The following SVEP1 variants were observed in gnomAD, a reference collection of about 807,000 sequenced individuals.
The protein encoded by SVEP1 is sushi, von Willebrand factor type A, EGF and pentraxin domain-containing protein 1.
In SVEP1, 164 loss-of-function variants were observed where a neutral mutation model predicts 367.3. The observed-to-expected ratio is 0.45, with a 90% CI of 0.39 to 0.51. SVEP1 has a LOEUF of 0.51. Ranked by LOEUF, SVEP1 falls within the 20% of genes least tolerant of loss-of-function variation. SVEP1 has a pLI of 0.00. For synonymous variants in SVEP1, 1,666 were observed against 1,611.6 expected, an observed-to-expected ratio of 1.03 and a Z score of -0.81; for missense variants, 4,117 against 4,425.3, an observed-to-expected ratio of 0.93 and a Z score of 1.98.
At position 110,400,946 on chromosome 9, in the gene SVEP1, G is replaced by T; in HGVS notation, c.9730C>A (p.Pro3244Thr). ...ACAAATCCATGTTCTGGACTTTCAG[G>T]TTTCCCACAAGAAACTGGACTGCAA... The part of the protein sequence containing the change: ...ESCSPVSCGK[P>T]ESPEHGFVVG... Residue 3244 changes from proline to threonine, a missense_variant, in exon 40 of 48, where the codon CCT (proline) becomes ACT (threonine). Pro to Thr is a conservative substitution (Grantham distance 38). Around this residue, in one of 4 missense-constraint regions of SVEP1, gnomAD observed 1,765 missense variants for 1,781.1 expected, o/e 0.99. Transcript: ENST00000374469. The T allele has an allele frequency of 6.2e-7, 1 of 1,613,878 alleles. No individual in the cohort carries two copies. The highest frequency in any genetic ancestry group is 8.5e-7 in the Non-Finnish European group (1 of 1,179,844).
intron 40 of SVEP1, among the ~76,000 whole-genome samples, chr9:110,393,857 AG>A (rs1827710294): frequency 6.6e-6 from 1 of 152,228 alleles, no homozygotes; most frequent in Non-Finnish European, 1.5e-5. Context: ...CAAAGCAGCC[AG>A]GAAGCTTGAA....
intron 1 of SVEP1, among the ~76,000 whole-genome samples, chr9:110,562,712 G>C (rs1238274585): frequency 1.3e-5 from 2 of 151,884 alleles, no homozygotes; most frequent in African/African-American, 4.8e-5. Flanking sequence ...TTTTGAGATG[G>C]AGTTTTGCTC....
chr9:110,457,183 A>AACTATATCTGC, intron 21 of SVEP1, 73 bp downstream of exon 21: 1 of 1,245,186 alleles, frequency 8.0e-7, no homozygotes, highest in Non-Finnish European at 1.1e-6. Flanking sequence ...TTAATGTACT[A>AACTATATCTGC]AAGTTTGATA....
chr9:110,365,410 T>A lies in SVEP1; in HGVS notation c.*1129A>T, dbSNP rs1827183033. ...ACTAGGAGAATCAAGATCTCTTTCA[T>A]CCTTTCTGCATTCCTCCACAGTGCT... On this transcript the variant is annotated 3_prime_UTR_variant, in exon 48 of 48. Transcript: ENST00000374469. 1 of 152,184 alleles carries A rather than the reference T, an allele frequency of 6.6e-6. No individual in the cohort carries two copies. The highest frequency in any genetic ancestry group is 1.5e-5 in the Non-Finnish European group (1 of 68,034). 9.4% of individuals were successfully genotyped at this position (152,184 alleles called of 1,614,324 possible). A position where few individuals can be genotyped will look rare whatever the true frequency, so the allele number is the denominator to read the frequency against.
chr9:110,538,321 A>T (rs1233870246), intron 3 of SVEP1, among the ~76,000 whole-genome samples: 1 of 152,060 alleles, frequency 6.6e-6, no homozygotes, highest in African/African-American at 2.4e-5. Context: ...AATACATTGT[A>T]TAAATTCCTT....
rs75212846 is a variant in SVEP1, at chr9:110,429,253, C to G, written c.5697G>C (p.Val1899=). The change falls in exon 35 of 48, where the codon GTG becomes GTC. Residue 1899 remains valine, a synonymous_variant. Transcript: ENST00000374469. ...ANSSWSHSPP[V]CEPVKCSSPE... ...GACTAGAACACTTCACTGGTTCACA[C>G]ACAGGAGGGGAATGACTCCAAGAAC... The G allele has an allele frequency of 1.9e-6, 3 of 1,596,442 alleles. No homozygotes were observed. The African/African-American group carries it at 4.0e-5, about 21-fold the overall frequency.
At chr9:110,453,327 G>T (rs1044071261) in intron 22 of SVEP1, among the ~76,000 whole-genome samples, 1 of 151,856 alleles carries the variant, frequency 6.6e-6, no homozygotes, top group Non-Finnish European at 1.5e-5. Context: ...TATTTTATTA[G>T]AATATATCAT....
chr9:110,374,155 C>T (rs1395640423), intron 46 of SVEP1, among the ~76,000 whole-genome samples: 1 of 152,148 alleles, frequency 6.6e-6, no homozygotes, highest in Admixed American at 6.6e-5. Context: ...CTTCCTCCCA[C>T]CCTCTACCCT....
intron 37 of SVEP1, among the ~76,000 whole-genome samples, chr9:110,410,652 A>G (rs969359112): frequency 1.5e-4 from 23 of 152,254 alleles, no homozygotes; most frequent in African/African-American, 5.5e-4. Context: ...TATATACTAA[A>G]GATTCATAAT....
intron 3 of SVEP1, among the ~76,000 whole-genome samples, chr9:110,540,207 G>A (rs1830127341): frequency 1.3e-5 from 2 of 151,994 alleles, no homozygotes; most frequent in Non-Finnish European, 2.9e-5. Context: ...TAGGTGAAAG[G>A]TAAAGGATGA....
At position 110,366,339 on chromosome 9, in the gene SVEP1, A is replaced by T; in HGVS notation, c.*200T>A. 2.3e-6 allele frequency: 1 copy of T among 429,678 alleles called. No individual in the cohort carries two copies. The highest frequency in any genetic ancestry group is 4.0e-6 in the Non-Finnish European group (1 of 248,610). The allele number at this position is 429,678 out of a possible 1,614,324, so 26.6% of individuals were successfully genotyped here. ...TTATATAGAAAATACAGGCATATTT[A>T]AAAATGGAAACATGTAAGAAAGTAT... On this transcript the variant is annotated 3_prime_UTR_variant, in exon 48 of 48. Coordinates refer to ENST00000374469, the MANE Select transcript of SVEP1 (RefSeq NM_153366.4).
chr9:110,560,272 T>C (rs1346962786), intron 1 of SVEP1, among the ~76,000 whole-genome samples: 4 of 152,212 alleles, frequency 2.6e-5, no homozygotes, highest in Non-Finnish European at 5.9e-5. Context: ...ATTAGTAGGC[T>C]ATACCACCCA....
chr9:110,498,979 A>G, intron 7 of SVEP1, 62 bp downstream of exon 7: 3 of 1,467,636 alleles, frequency 2.0e-6, no homozygotes, highest in Non-Finnish European at 2.8e-6. Context: ...ATTGTCCTAT[A>G]CTGCACCCAT....
At chr9:110,437,024 C>A (rs753615212) in intron 27 of SVEP1, among the ~76,000 whole-genome samples, 1 of 152,168 alleles carries the variant, frequency 6.6e-6, no homozygotes, top group Non-Finnish European at 1.5e-5. Flanking sequence ...ATTCAACTTG[C>A]CTTTCTGGGT....
chr9:110,468,629 C>G (rs1828973055), intron 17 of SVEP1, among the ~76,000 whole-genome samples: 1 of 152,216 alleles, frequency 6.6e-6, no homozygotes, highest in Admixed American at 6.5e-5. Flanking sequence ...ATTGAAGAAT[C>G]TGAACAAACA....
chr9:110,451,091 T>C (rs1588059737), intron 23 of SVEP1, among the ~76,000 whole-genome samples, 198 bp downstream of exon 23: 1 of 152,236 alleles, frequency 6.6e-6, no homozygotes, highest in African/African-American at 2.4e-5. Context: ...CATTTGAGAG[T>C]AAATTGCAGA....
intron 40 of SVEP1, among the ~76,000 whole-genome samples, chr9:110,389,906 T>G (rs1033724035): frequency 6.9e-5 from 9 of 130,986 alleles, no homozygotes; most frequent in Admixed American, 9.0e-5. Flanking sequence ...AATAGTAGTA[T>G]TCTTAGAAAT....
At chr9:110,520,078 C>A (rs537953821) in intron 3 of SVEP1, among the ~76,000 whole-genome samples, 1 of 152,248 alleles carries the variant, frequency 6.6e-6, no homozygotes, top group East Asian at 1.9e-4. Flanking sequence ...TATAGTATTA[C>A]TCTCCAAAAT....
chr9:110,523,870 TA>T (rs1829908141), intron 3 of SVEP1, among the ~76,000 whole-genome samples: 1 of 151,272 alleles, frequency 6.6e-6, no homozygotes, highest in African/African-American at 2.4e-5. Flanking sequence ...TCAATAAAAT[TA>T]AAAACAGAAA....
Sources: allele counts gnomAD v4.1 joint callset (sites outside exome capture counted in the v4.1 genomes callset), GRCh38; gene constraint gnomAD v4.1.1; regional missense constraint gnomAD v4.1.1; transcripts MANE v1.5; gene names NCBI Gene and HGNC (gene_info 2026-07-23, HGNC 2026-07-21).